The following CARD8 variants were observed in gnomAD, a reference collection of about 807,000 sequenced individuals.
CARD8 encodes caspase recruitment domain-containing protein 8.
CARD8 carries 38 observed loss-of-function variants against 53.2 expected under a neutral mutation model. The ratio of observed to expected loss-of-function variants is 0.71; its 90% confidence interval spans 0.55 to 0.94. The LOEUF (loss-of-function observed/expected upper bound fraction) is 0.94. Among genes scored for constraint, CARD8 ranks in the 40% least tolerant of loss-of-function variants. CARD8 has a pLI of 0.00. For missense variants in CARD8, 561 were observed against 655.5 expected (o/e 0.86, Z 1.57); for synonymous variants, 245 against 244.9 (o/e 1.00, Z 0.00).
intron 4 of CARD8, 86 bp downstream of exon 4, chr19:48,240,876 T>A: frequency 9.5e-7 from 1 of 1,050,660 alleles, no homozygotes; most frequent in Non-Finnish European, 1.4e-6. Context: ...CCAGAAAACA[T>A]CCATGGTCCT....
chr19:48,213,139 C>T (rs1236001336), intron 13 of CARD8: 2 of 152,248 alleles, frequency 1.3e-5, no homozygotes, highest in East Asian at 1.9e-4. Context: ...CTTGAACTCG[C>T]CTGAGCCATG....
At chr19:48,221,695 T>C in intron 11 of CARD8, 35 bp downstream of exon 11, 1 of 1,470,342 alleles carries the variant, frequency 6.8e-7, no homozygotes, top group Non-Finnish European at 9.2e-7. Flanking sequence ...TAAAACACTC[T>C]GAAACCTGCT....
At chr19:48,233,244 G>A (rs991345848) in intron 6 of CARD8, 25 of 439,702 alleles carry the variant, frequency 5.7e-5, no homozygotes, top group Middle Eastern at 6.7e-4. Flanking sequence ...TGCCTCTGGA[G>A]AGAAACCTGC....
chr19:48,233,417 G>A, intron 6 of CARD8: 1 of 456,278 alleles, frequency 2.2e-6, no homozygotes, highest in Non-Finnish European at 4.4e-6. Context: ...AGAGAAGTGG[G>A]ATGAAGAGAA....
At chr19:48,206,555 T>C (rs777296837), downstream of CARD8, 2 of 459,360 alleles carry the variant, frequency 4.4e-6, no homozygotes, top group South Asian at 3.1e-5. Flanking sequence ...CACTTCAGCC[T>C]CTTGATTGGT....
intron 10 of CARD8, chr19:48,223,623 G>A (rs902707446): frequency 7.0e-5 from 21 of 297,930 alleles, no homozygotes; most frequent in African/African-American, 4.6e-4. Flanking sequence ...TTAAATTATA[G>A]TAATAACAGA....
intron 10 of CARD8, among the ~76,000 whole-genome samples, 169 bp from the exon 11 acceptor site, chr19:48,222,024 A>G (rs781067304): frequency 1.1e-4 from 17 of 152,244 alleles, no homozygotes; most frequent in Non-Finnish European, 1.8e-4. Flanking sequence ...AGATACACAG[A>G]TATGAATGAA....
At position 48,238,534 on chromosome 19, in the gene CARD8, TG is replaced by T. The variant is rs2044331764; in HGVS notation, c.60-3del. On this transcript the variant is annotated splice_region_variant and splice_polypyrimidine_tract_variant and intron_variant, in intron 4 of 13. Transcript: ENST00000651546. The stretch of plus-strand genomic sequence containing the variant: ...ATGTTCCTACTGGATCCACTGTCCC[TG>T]GGAAAACACAAATGGAATTGGAATG... 1 of 1,536,070 alleles carries T rather than the reference TG, an allele frequency of 6.5e-7. No individual in the cohort carries two copies. Among genetic ancestry groups the T allele is most frequent in the Non-Finnish European group, 8.7e-7 (1 of 1,146,806 alleles).
downstream of CARD8, chr19:48,206,243 T>G: frequency 3.1e-6 from 1 of 324,798 alleles, no homozygotes; most frequent in South Asian, 2.4e-5. Context: ...ACTGGGGGAG[T>G]TACAGAAGAG....
chr19:48,220,714 C>T (rs1264653201), intron 11 of CARD8, among the ~76,000 whole-genome samples: 1 of 151,968 alleles, frequency 6.6e-6, no homozygotes, highest in Non-Finnish European at 1.5e-5. Context: ...GAGTTCGAGA[C>T]CAGCCTGGCC....
rs2037695994 is a variant in CARD8 at position 48,209,585 on chromosome 19, A to C, written c.*2125T>G. 2 of 152,236 alleles carry C rather than the reference A, an allele frequency of 1.3e-5. No individual in the cohort carries two copies. The highest frequency in any genetic ancestry group is 4.1e-4 in the South Asian group (2 of 4,834). The allele number at this position is 152,236 out of a possible 1,614,324, so 9.4% of individuals were successfully genotyped here. ...ATATCAGGGACATTTAGGAAAACAT[A>C]AAAGTCTAACATTTCCACAATAAGA... On this transcript the variant is annotated 3_prime_UTR_variant, in exon 14 of 14. Transcript: ENST00000651546.
intron 5 of CARD8, among the ~76,000 whole-genome samples, chr19:48,235,919 T>G (rs984008133): frequency 6.6e-6 from 1 of 152,114 alleles, no homozygotes. Flanking sequence ...AAAGAACATT[T>G]GTTTGCAATG....
intron 10 of CARD8, chr19:48,223,850 T>TCA (rs1375369405): frequency 2.2e-6 from 1 of 456,290 alleles, no homozygotes; most frequent in Non-Finnish European, 4.4e-6. Context: ...TGATGTATCC[T>TCA]CAGCCTCTAA....
intron 6 of CARD8, chr19:48,233,151 C>T (rs1428438996): frequency 2.8e-6 from 1 of 355,004 alleles, no homozygotes; most frequent in Non-Finnish European, 5.5e-6. Context: ...ACCAAAGCAT[C>T]GGCGCTTTCA....
intron 4 of CARD8, 27 bp from the exon 5 acceptor site, chr19:48,238,559 T>G (rs1015150862): frequency 1.3e-6 from 2 of 1,535,672 alleles, no homozygotes; most frequent in African/African-American, 2.7e-5. Flanking sequence ...GGAATTGGAA[T>G]GTGAGCATGT....
chr19:48,226,125 G>A (rs773018173), intron 10 of CARD8, among the ~76,000 whole-genome samples: 24 of 151,540 alleles, frequency 1.6e-4, no homozygotes, highest in Non-Finnish European at 2.5e-4. Flanking sequence ...TAAGTGTAAC[G>A]TGAATCCATT....
intron 1 of CARD8, among the ~76,000 whole-genome samples, chr19:48,254,527 C>A (rs1274023930): frequency 6.6e-6 from 1 of 152,092 alleles, no homozygotes; most frequent in Non-Finnish European, 1.5e-5. Flanking sequence ...CCGAAGTGGG[C>A]AGATCACAAG....
At chr19:48,205,801 G>A (rs987462116), downstream of CARD8, among the ~76,000 whole-genome samples, 21 of 152,166 alleles carry the variant, frequency 1.4e-4, no homozygotes, top group African/African-American at 4.8e-4. Context: ...TGTGAGTAGG[G>A]AGTGAGGCAT....
chr19:48,235,612 G>A (rs564006535), intron 5 of CARD8, among the ~76,000 whole-genome samples: 2 of 152,112 alleles, frequency 1.3e-5, no homozygotes, highest in East Asian at 1.9e-4. Flanking sequence ...TTGAATTCCC[G>A]GCCCCAAGAA....
Sources: allele counts gnomAD v4.1 joint callset (sites outside exome capture counted in the v4.1 genomes callset), GRCh38; gene constraint gnomAD v4.1.1; transcripts MANE v1.5; gene names NCBI Gene and HGNC (gene_info 2026-07-23, HGNC 2026-07-21).